Variants in SUGCT observed in about 807,000 individuals in gnomAD.
The protein encoded by SUGCT is succinyl-CoA:glutarate-CoA transferase, also known as succinyl-CoA:glutarate CoA-transferase.
A neutral mutation model predicts 55.0 loss-of-function variants in SUGCT; 41 were observed. That is an observed-to-expected ratio of 0.74 (90% CI 0.58 to 0.97). SUGCT has a LOEUF of 0.97. Ranked by LOEUF, SUGCT falls within the 50% of genes least tolerant of loss-of-function variation. The pLI is 0.00. For synonymous variants in SUGCT, 187 were observed against 200.4 expected (o/e 0.93, Z 0.56); for missense variants, 568 against 547.8 (o/e 1.04, Z -0.37).
intron 12 of SUGCT, among the ~76,000 whole-genome samples, chr7:40,563,392 T>A (rs1304917975): frequency 6.6e-6 from 1 of 152,104 alleles, no homozygotes; most frequent in African/African-American, 2.4e-5. Flanking sequence ...GTGGTTGCCT[T>A]CTAGGAAATG....
At chr7:40,197,308 C>T (rs530705698) in intron 6 of SUGCT, among the ~76,000 whole-genome samples, 1 of 152,184 alleles carries the variant, frequency 6.6e-6, no homozygotes, top group South Asian at 2.1e-4. Context: ...TTTTTTCCAT[C>T]AGAATCTTGT....
intron 7 of SUGCT, among the ~76,000 whole-genome samples, chr7:40,249,341 A>ATATATATATATATG (rs1192387768): frequency 1.2e-4 from 16 of 131,616 alleles, no homozygotes; most frequent in Non-Finnish European, 2.2e-4. Flanking sequence ...ATATATATAT[A>ATATATATATATATG]TATATAATTA....
At chr7:40,627,878 C>T (rs895140882) in intron 12 of SUGCT, among the ~76,000 whole-genome samples, 3 of 152,160 alleles carry the variant, frequency 2.0e-5, no homozygotes, top group Non-Finnish European at 2.9e-5. Context: ...GGAGGGCTCT[C>T]TAAATGTGTC....
At chr7:40,962,910 G>A in the SUGCT span, among the ~76,000 whole-genome samples, 1 of 152,056 alleles carries the variant, frequency 6.6e-6, no homozygotes, top group Non-Finnish European at 1.5e-5. Context: ...TTTTAGGCAG[G>A]TTTCCAGGAA....
intron 12 of SUGCT, among the ~76,000 whole-genome samples, chr7:40,590,984 A>G (rs1317161574): frequency 6.6e-6 from 1 of 152,214 alleles, no homozygotes; most frequent in Admixed American, 6.5e-5. Context: ...GGAGATGTGT[A>G]GGGAAATTAA....
At chr7:40,872,773 A>G in the SUGCT span, among the ~76,000 whole-genome samples, 2 of 152,384 alleles carry the variant, frequency 1.3e-5, no homozygotes, top group Non-Finnish European at 2.9e-5. Context: ...CCTTTTGGGT[A>G]TCTGCTAACC....
intron 9 of SUGCT, among the ~76,000 whole-genome samples, chr7:40,386,598 A>G (rs746761592): frequency 6.6e-6 from 1 of 152,170 alleles, no homozygotes; most frequent in Non-Finnish European, 1.5e-5. Flanking sequence ...AGCATCCATG[A>G]CTTTGATTCA....
At chr7:40,534,058 T>G (rs1172698897) in intron 12 of SUGCT, among the ~76,000 whole-genome samples, 1 of 152,194 alleles carries the variant, frequency 6.6e-6, no homozygotes, top group Non-Finnish European at 1.5e-5. Context: ...TGGCATAAGC[T>G]TAGGATTGGC....
intron 3 of SUGCT, among the ~76,000 whole-genome samples, chr7:40,182,456 G>A (rs1333343333): frequency 2.6e-5 from 4 of 152,002 alleles, no homozygotes; most frequent in Non-Finnish European, 1.5e-5. Flanking sequence ...CAGCTACTTG[G>A]GAGGCTGAGG....
intron 9 of SUGCT, among the ~76,000 whole-genome samples, chr7:40,387,559 C>T (rs946369048): frequency 6.6e-6 from 1 of 152,110 alleles, no homozygotes; most frequent in Non-Finnish European, 1.5e-5. Context: ...TATCTCAGGG[C>T]ATTCGGGTTT....
intron 1 of SUGCT, among the ~76,000 whole-genome samples, chr7:40,144,211 G>C (rs185631352): frequency 2.8e-4 from 43 of 152,320 alleles, no homozygotes; most frequent in Non-Finnish European, 4.1e-4. Flanking sequence ...GAAGTAGAGA[G>C]CTGTCTTTGA....
intron 11 of SUGCT, among the ~76,000 whole-genome samples, chr7:40,487,015 G>A (rs978620114): frequency 4.7e-5 from 7 of 148,460 alleles, no homozygotes; most frequent in African/African-American, 9.9e-5. Flanking sequence ...TAAAGTTTCC[G>A]CTATTACTGA....
rs75002501 is a variant in SUGCT, at chr7:40,313,237, G to A, written c.721-3523G>A. Among the ~76,000 whole-genome samples the A allele has an allele frequency of 6.8e-4, 104 of 152,260 alleles. 3 individuals are homozygous for A. In the East Asian group the frequency reaches 0.019, roughly 28 times the overall value. ...CAACATTCTGAGTAAATTATATAGC[G>A]TCCACTTGATGAAATAATAAGCCTA... is the stretch of plus-strand genomic sequence containing the variant. On this transcript the variant is annotated intron_variant, in intron 8 of 13. Transcript: ENST00000335693.
the SUGCT span, among the ~76,000 whole-genome samples, chr7:41,011,675 T>C: frequency 1.3e-5 from 2 of 152,228 alleles, no homozygotes; most frequent in African/African-American, 4.8e-5. Context: ...GAGAAAAAGT[T>C]AGAGAATTAT....
intron 9 of SUGCT, among the ~76,000 whole-genome samples, chr7:40,395,839 TA>T (rs1562745079): frequency 1.3e-5 from 2 of 152,146 alleles, no homozygotes; most frequent in African/African-American, 2.4e-5. Flanking sequence ...ATCATTCTCC[TA>T]AAAAAATGAA....
intron 3 of SUGCT, among the ~76,000 whole-genome samples, chr7:40,184,132 G>A (rs113689156): frequency 0.27 from 41,187 of 151,982 alleles, 6,796 homozygotes; most frequent in South Asian, 0.46. Flanking sequence ...TCGAGACCAT[G>A]CCATTGCACC....
intron 9 of SUGCT, among the ~76,000 whole-genome samples, chr7:40,396,310 A>G (rs531177109): frequency 4.5e-4 from 68 of 152,110 alleles, no homozygotes; most frequent in African/African-American, 1.6e-3. Flanking sequence ...TTTTATACCA[A>G]TTTTTCCGAG....
Position 40,661,103 on chromosome 7 carries a change from A to G in SUGCT, c.1090-88331A>G, listed in dbSNP as rs1049225773. On this transcript the variant is annotated intron_variant, in intron 12 of 13. Transcript: ENST00000335693. ...GTGTGAAATGGGTGCTCCACACTGC[A>G]TAGATGGACTAGAGGACTCACTTTC... Among the ~76,000 whole-genome samples the G allele has an allele frequency of 2.0e-5, 3 of 152,218 alleles. No homozygotes were observed. The East Asian group carries it at 5.8e-4, about 29-fold the overall frequency.
chr7:40,181,523 AT>A (rs916963685), intron 2 of SUGCT, among the ~76,000 whole-genome samples: 67 of 152,152 alleles, frequency 4.4e-4, no homozygotes, highest in African/African-American at 1.5e-3. Flanking sequence ...AGGCGGGCGG[AT>A]CATGAGGTCA....
Sources: allele counts gnomAD v4.1 joint callset (sites outside exome capture counted in the v4.1 genomes callset), GRCh38; gene constraint gnomAD v4.1.1; transcripts MANE v1.5; gene names NCBI Gene and HGNC (gene_info 2026-07-23, HGNC 2026-07-21).